Variants in KCNMB2 observed in about 807,000 individuals in gnomAD.
The protein encoded by KCNMB2 is calcium-activated potassium channel subunit beta-2.
In KCNMB2, 9 loss-of-function variants were observed where a neutral mutation model predicts 24.5. The observed-to-expected ratio is 0.37, with a 90% confidence interval of 0.22 to 0.64. The LOEUF (loss-of-function observed/expected upper bound fraction) is 0.64. Ranked by LOEUF, KCNMB2 falls within the 30% of genes least tolerant of loss-of-function variation. The pLI, the probability that KCNMB2 is intolerant of heterozygous loss-of-function variation, is 0.63. For missense variants in KCNMB2, 226 were observed against 284.3 expected (o/e 0.79, Z 1.47); for synonymous variants, 109 against 104.4 (o/e 1.04, Z -0.27).
At chr3:178,550,535 T>C (rs896762687) in intron 1 of KCNMB2, among the ~76,000 whole-genome samples, 1 of 151,632 alleles carries the variant, frequency 6.6e-6, no homozygotes, top group African/African-American at 2.4e-5. Context: ...GATTATACAT[T>C]ATTCAAGAGG....
chr3:178,769,677 A>G (rs975598204), intron 1 of KCNMB2, among the ~76,000 whole-genome samples: 4 of 152,234 alleles, frequency 2.6e-5, no homozygotes, highest in Non-Finnish European at 5.9e-5. Flanking sequence ...TCAAGATCCT[A>G]CGAGAATTTT....
At chr3:178,697,662 TTTGC>T (rs1721930284) in intron 1 of KCNMB2, among the ~76,000 whole-genome samples, 1 of 152,208 alleles carries the variant, frequency 6.6e-6, no homozygotes, top group East Asian at 1.9e-4. Flanking sequence ...AGCTGGTTAT[TTTGC>T]AGACTTGTTT....
chr3:178,812,991 C>G (rs542402601), intron 2 of KCNMB2, among the ~76,000 whole-genome samples: 1 of 152,058 alleles, frequency 6.6e-6, no homozygotes, highest in African/African-American at 2.4e-5. Context: ...ACCTATCGCA[C>G]TTCCCAAAAA....
chr3:178,801,079 A>T (rs957623742), intron 1 of KCNMB2, among the ~76,000 whole-genome samples: 2 of 152,132 alleles, frequency 1.3e-5, no homozygotes, highest in Admixed American at 1.3e-4. Flanking sequence ...TGGGTACAAA[A>T]TATAGTTGAT....
intron 4 of KCNMB2, among the ~76,000 whole-genome samples, chr3:178,831,588 T>C (rs935838669): frequency 3.3e-5 from 5 of 152,174 alleles, no homozygotes; most frequent in African/African-American, 1.2e-4. Context: ...TGAGATCATG[T>C]CCTTTGCAGC....
intron 1 of KCNMB2, among the ~76,000 whole-genome samples, chr3:178,764,145 A>C (rs966446511): frequency 6.6e-6 from 1 of 152,216 alleles, no homozygotes; most frequent in African/African-American, 2.4e-5. Flanking sequence ...CATAAAATCT[A>C]CATCTCATTA....
intron 1 of KCNMB2, among the ~76,000 whole-genome samples, chr3:178,545,557 C>G (rs932919297): frequency 6.6e-6 from 1 of 152,204 alleles, no homozygotes; most frequent in Non-Finnish European, 1.5e-5. Flanking sequence ...TCCGGACATG[C>G]TGCATAAGGC....
chr3:178,680,119 T>A (rs1721215875), intron 1 of KCNMB2, among the ~76,000 whole-genome samples: 1 of 152,160 alleles, frequency 6.6e-6, no homozygotes. Context: ...AATTAGCAGC[T>A]GATTGTTTCT....
chr3:178,757,897 A>AAGAGGATACATATATATATCCG (rs1724207633), intron 1 of KCNMB2, among the ~76,000 whole-genome samples: 2 of 135,918 alleles, frequency 1.5e-5, no homozygotes, highest in Admixed American at 7.7e-5. Flanking sequence ...ATATATATCC[A>AAGAGGATACATATATATATCCG]AGAGGATACA....
rs1345775242 is a variant in KCNMB2 at position 178,582,474 on chromosome 3, CATTCTGCAA to C, written c.-68+45766_-68+45774del. ...CATATACCTATGTAACAAACATGCA[CATTCTGCAA>C]ATGTATCCCAGAACTTAGAGTATAG... is the stretch of plus-strand genomic sequence containing the variant. On this transcript the variant is annotated intron_variant, in intron 1 of 4. Coordinates refer to ENST00000452583, the MANE Select transcript of KCNMB2 (RefSeq NM_181361.3). Among the ~76,000 whole-genome samples, 3 of 152,106 alleles carry C rather than the reference CATTCTGCAA, an allele frequency of 2.0e-5. No homozygotes were observed. The East Asian group carries it at 5.8e-4, about 29-fold the overall frequency.
intron 1 of KCNMB2, among the ~76,000 whole-genome samples, chr3:178,558,235 T>C (rs1716192094): frequency 6.6e-6 from 1 of 152,200 alleles, no homozygotes; most frequent in African/African-American, 2.4e-5. Flanking sequence ...AATAATTCAG[T>C]TGCCACACTC....
rs1266036161 is a variant in KCNMB2, at chr3:178,536,611, G to A, written c.-168G>A. On this transcript the variant is annotated 5_prime_UTR_variant, in exon 1 of 5. Transcript: ENST00000452583. Reference sequence around the variant, plus strand: ...TGGTCCACAAAGGCTTTAGGCACAAGAGGTAATGATGATTACCGGTGGCTA... The same window carrying A: ...TGGTCCACAAAGGCTTTAGGCACAAAAGGTAATGATGATTACCGGTGGCTA... The A allele has an allele frequency of 6.6e-6, 1 of 152,238 alleles. No homozygotes were observed. Among genetic ancestry groups the A allele is most frequent in the African/African-American group, 2.4e-5 (1 of 41,468 alleles). 9.4% of individuals were successfully genotyped at this position (152,238 alleles called of 1,614,324 possible).
At chr3:178,725,385 C>A (rs887938610) in intron 1 of KCNMB2, among the ~76,000 whole-genome samples, 1 of 151,920 alleles carries the variant, frequency 6.6e-6, no homozygotes, top group Non-Finnish European at 1.5e-5. Flanking sequence ...AAAGGCACTG[C>A]CCTCCCCCCA....
chr3:178,786,837 CAA>C (rs1230197805), intron 1 of KCNMB2, among the ~76,000 whole-genome samples: 2 of 136,202 alleles, frequency 1.5e-5, no homozygotes, highest in African/African-American at 2.7e-5. Flanking sequence ...TGCAATTTTT[CAA>C]AAAAAAAAAG....
chr3:178,754,332 A>G (rs1193189662), intron 1 of KCNMB2, among the ~76,000 whole-genome samples: 4 of 151,878 alleles, frequency 2.6e-5, no homozygotes, highest in African/African-American at 9.7e-5. Flanking sequence ...ATTTCATTTT[A>G]GTTCATATTA....
At position 178,820,737 on chromosome 3, in the gene KCNMB2, A is replaced by G. The variant is rs190471614; in HGVS notation, c.57-4851A>G. 209 of 152,704 alleles carry G rather than the reference A, an allele frequency of 1.4e-3. 3 individuals are homozygous for G. The highest frequency in any genetic ancestry group is 1.5e-3 in the East Asian group (8 of 5,190). The allele number at this position is 152,704 out of a possible 1,614,324, so 9.5% of individuals were successfully genotyped here. A position where few individuals can be genotyped will look rare whatever the true frequency, so the allele number is the denominator to read the frequency against. On this transcript the variant is annotated intron_variant, in intron 2 of 4. Transcript: ENST00000452583. Reference sequence around the variant, plus strand: ...CTAATGCTTGGCGTAAAATTGATTGAAGCCTTACTAAACAATTGAAAATAT... The same window carrying G: ...CTAATGCTTGGCGTAAAATTGATTGGAGCCTTACTAAACAATTGAAAATAT...
At chr3:178,808,164 A>C (rs1425692175) in intron 2 of KCNMB2, among the ~76,000 whole-genome samples, 1 of 152,162 alleles carries the variant, frequency 6.6e-6, no homozygotes, top group Non-Finnish European at 1.5e-5. Flanking sequence ...GCATTAATGA[A>C]AGACAAGATG....
rs983217523 is a variant in KCNMB2 at position 178,843,936 on chromosome 3, T to C, written c.*999T>C. ...TTCTGACAAGCATTCCCTATTGGGATTTTAAAGCTATGTGCACAGAATATT... is the reference window on the plus strand; with the variant it reads ...TTCTGACAAGCATTCCCTATTGGGACTTTAAAGCTATGTGCACAGAATATT... On this transcript the variant is annotated 3_prime_UTR_variant, in exon 5 of 5. Transcript: ENST00000452583. 3 of 152,272 alleles carry C rather than the reference T, an allele frequency of 2.0e-5. No homozygotes were observed. Among genetic ancestry groups the C allele is most frequent in the African/African-American group, 7.2e-5 (3 of 41,466 alleles). The allele number at this position is 152,272 out of a possible 1,614,324, so 9.4% of individuals were successfully genotyped here.
chr3:178,738,386 G>T (rs966870301), intron 1 of KCNMB2, among the ~76,000 whole-genome samples: 1 of 152,092 alleles, frequency 6.6e-6, no homozygotes. Context: ...ATTCAAATCT[G>T]GTCATGTGAC....
Sources: gnomAD v4.1 joint callset for allele counts (sites outside exome capture counted in the v4.1 genomes callset) on GRCh38, gnomAD v4.1.1 for gene constraint, MANE v1.5 for transcripts, NCBI Gene and HGNC (gene_info 2026-07-23, HGNC 2026-07-21) for gene names.